SBF2: variants seen among roughly 807,000 people sequenced by gnomAD.
SBF2 encodes SET binding factor 2.
Under a neutral mutation model 225.2 loss-of-function variants are expected in SBF2, and 112 were observed. The ratio of observed to expected loss-of-function variants is 0.50; its 90% CI spans 0.43 to 0.58. The LOEUF is 0.58. Among genes scored for constraint, SBF2 ranks in the 20% least tolerant of loss-of-function variants. The pLI is 0.00. For synonymous variants in SBF2, 763 were observed against 773.3 expected, an observed-to-expected ratio of 0.99 and a Z score of 0.22; for missense variants, 1,996 against 2,206.2, an observed-to-expected ratio of 0.90 and a Z score of 1.91.
intron 16 of SBF2, among the ~76,000 whole-genome samples, chr11:9,956,144 G>A (rs1414367281): frequency 6.6e-6 from 1 of 152,076 alleles, no homozygotes; most frequent in Non-Finnish European, 1.5e-5. Flanking sequence ...AGTGTAAGAA[G>A]ATATAAGTTA....
chr11:10,173,859 C>T (rs892799571), intron 2 of SBF2, among the ~76,000 whole-genome samples: 2 of 151,536 alleles, frequency 1.3e-5, no homozygotes, highest in African/African-American at 2.4e-5. Flanking sequence ...GACCCCTGAC[C>T]CCCGAGCAGC....
upstream of SBF2, among the ~76,000 whole-genome samples, chr11:10,299,037 G>A (rs1478797911): frequency 2.6e-5 from 4 of 152,132 alleles, no homozygotes; most frequent in Non-Finnish European, 5.9e-5. Flanking sequence ...AGGCTTCATA[G>A]ATGACGTAGA....
intron 2 of SBF2, among the ~76,000 whole-genome samples, chr11:10,090,764 C>CAGAAAAAAAAAAAA (rs1951749857): frequency 2.3e-5 from 1 of 44,428 alleles, no homozygotes; most frequent in African/African-American, 8.9e-5. Flanking sequence ...GATTCCATCT[C>CAGAAAAAAAAAAAA]AAAAAAAAAA....
At chr11:10,246,840 C>T (rs994757163) in intron 1 of SBF2, among the ~76,000 whole-genome samples, 3 of 152,056 alleles carry the variant, frequency 2.0e-5, no homozygotes, top group Admixed American at 6.5e-5. Flanking sequence ...TTTGGGAGGT[C>T]GAAGCAGGAG....
At chr11:10,193,250 A>AAT (rs1555071885) in intron 2 of SBF2, among the ~76,000 whole-genome samples, 4 of 150,720 alleles carry the variant, frequency 2.7e-5, no homozygotes, top group East Asian at 2.0e-4. Flanking sequence ...GGAAAAAAAA[A>AAT]ATATATATAT....
chr11:9,968,340 C>T lies in SBF2; in HGVS notation c.1600+1G>A, dbSNP rs1867101004. 6.2e-7 allele frequency: 1 copy of T among 1,613,622 alleles called. No homozygotes were observed. The highest frequency in any genetic ancestry group is 8.5e-7 in the Non-Finnish European group (1 of 1,179,628). On this transcript the variant is annotated splice_donor_variant, in intron 14 of 39. Coordinates refer to ENST00000256190, the MANE Select transcript of SBF2 (RefSeq NM_030962.4). LOFTEE classifies it high-confidence loss of function. ...TTTAAAACAGACAGACAAATACATA[C>T]CAACAGGTGGACCTGCTGGCACAAC...
intron 3 of SBF2, among the ~76,000 whole-genome samples, chr11:10,032,425 T>A (rs1431132091): frequency 6.6e-6 from 1 of 152,180 alleles, no homozygotes; most frequent in Non-Finnish European, 1.5e-5. Flanking sequence ...TGCTGCTCTT[T>A]AAACACACTG....
intron 31 of SBF2, 40 bp downstream of exon 31, chr11:9,808,861 T>C (rs1156324589): frequency 7.2e-7 from 1 of 1,395,724 alleles, no homozygotes; most frequent in Non-Finnish European, 1.0e-6. Context: ...CAAATGGAAA[T>C]ATAAATATAA....
At chr11:9,995,734 T>C (rs1211638625) in intron 9 of SBF2, among the ~76,000 whole-genome samples, 1 of 151,402 alleles carries the variant, frequency 6.6e-6, no homozygotes, top group East Asian at 1.9e-4. Context: ...CACTGCGACC[T>C]CCGCCTCCTG....
At chr11:10,253,118 C>CAAAAAAAAAAAAAA (rs546522229) in intron 1 of SBF2, among the ~76,000 whole-genome samples, 2 of 77,294 alleles carry the variant, frequency 2.6e-5, no homozygotes, top group Admixed American at 1.6e-4. Flanking sequence ...AGGTAAATAC[C>CAAAAAAAAAAAAAA]AAAAAAAAAA....
At chr11:10,078,601 G>A (rs1012293157) in intron 2 of SBF2, among the ~76,000 whole-genome samples, 7 of 151,994 alleles carry the variant, frequency 4.6e-5, no homozygotes, top group Admixed American at 3.9e-4. Context: ...GACACAGGGA[G>A]GGGAATATCA....
intron 17 of SBF2, among the ~76,000 whole-genome samples, chr11:9,873,941 C>A (rs192192895): frequency 4.6e-5 from 7 of 151,992 alleles, no homozygotes; most frequent in Admixed American, 3.9e-4. Context: ...CTCAGCTACT[C>A]GGGAGGCTGA....
chr11:9,911,923 G>A (rs1371173851), intron 16 of SBF2, among the ~76,000 whole-genome samples: 2 of 152,248 alleles, frequency 1.3e-5, no homozygotes, highest in African/African-American at 4.8e-5. Context: ...CGCTAACCAA[G>A]CTTGTCCAAC....
chr11:9,859,021 T>G (rs1857520492), intron 17 of SBF2, among the ~76,000 whole-genome samples: 1 of 152,176 alleles, frequency 6.6e-6, no homozygotes. Context: ...CAGGGAAAGA[T>G]AAACACAAAC....
At chr11:10,180,269 T>C (rs1157876568) in intron 2 of SBF2, among the ~76,000 whole-genome samples, 1 of 152,182 alleles carries the variant, frequency 6.6e-6, no homozygotes, top group African/African-American at 2.4e-5. Context: ...ACAGGTCTGG[T>C]GTTGATGAAA....
chr11:10,284,588 T>A (rs1963622706), intron 1 of SBF2, among the ~76,000 whole-genome samples: 1 of 151,954 alleles, frequency 6.6e-6, no homozygotes, highest in South Asian at 2.1e-4. Flanking sequence ...AGACAAGGGG[T>A]TTTTGCTTTT....
At chr11:9,979,367 T>C (rs1380289812) in intron 13 of SBF2, among the ~76,000 whole-genome samples, 1 of 152,222 alleles carries the variant, frequency 6.6e-6, no homozygotes, top group Non-Finnish European at 1.5e-5. Flanking sequence ...AAAAGCAGTA[T>C]GTTTATACAT....
intron 2 of SBF2, among the ~76,000 whole-genome samples, chr11:10,121,330 A>C (rs1953437759): frequency 6.6e-6 from 1 of 152,206 alleles, no homozygotes; most frequent in Non-Finnish European, 1.5e-5. Context: ...TCTGTCTTTG[A>C]AATCTCTCCA....
At chr11:10,133,359 G>T (rs2135107370) in intron 2 of SBF2, among the ~76,000 whole-genome samples, 1 of 149,752 alleles carries the variant, frequency 6.7e-6, no homozygotes, top group Non-Finnish European at 1.5e-5. Context: ...GCAGGGGGTG[G>T]TGCTTGTCGG....
Sources: allele counts gnomAD v4.1 joint callset (sites outside exome capture counted in the v4.1 genomes callset), GRCh38; gene constraint gnomAD v4.1.1; transcripts MANE v1.5; gene names NCBI Gene and HGNC (gene_info 2026-07-23, HGNC 2026-07-21).